TACC1: variants seen among roughly 807,000 people sequenced by gnomAD.
The protein encoded by TACC1 is transforming acidic coiled-coil containing protein 1.
In TACC1, 48 loss-of-function variants were observed where a neutral mutation model predicts 84.4. The ratio of observed to expected loss-of-function variants is 0.57; its 90% CI spans 0.45 to 0.72. The LOEUF (loss-of-function observed/expected upper bound fraction) is 0.72, where lower values mean the gene tolerates loss of function less well. Ranked by LOEUF, TACC1 falls within the 30% of genes least tolerant of loss-of-function variation. The pLI, the probability that TACC1 is intolerant of heterozygous loss-of-function variation, is 0.00. For missense variants in TACC1, 920 were observed against 973.0 expected, an observed-to-expected ratio of 0.95 and a Z score of 0.72; for synonymous variants, 372 against 376.3, an observed-to-expected ratio of 0.99 and a Z score of 0.13.
intron 5 of TACC1, among the ~76,000 whole-genome samples, chr8:38,829,516 A>G (rs1200844234): frequency 6.6e-6 from 1 of 152,116 alleles, no homozygotes; most frequent in African/African-American, 2.4e-5. Context: ...AGGTCTCTCC[A>G]GCATGCTTTT....
At position 38,819,570 on chromosome 8, in the gene TACC1, G is replaced by T. The variant is rs1399554248; in HGVS notation, c.326G>T (p.Cys109Phe). Residue 109 changes from cysteine to phenylalanine, a missense_variant, in exon 3 of 13, where the codon TGT becomes TTT. This residue lies in a region of TACC1 where 762 missense variants were observed against 747.3 expected (regional missense o/e 1.02). Coordinates refer to ENST00000317827, the MANE Select transcript of TACC1 (RefSeq NM_006283.3). ...EQLVAEVVEK[C>F]SSKTCSKPSE... ...CTTGTAGCAGAAGTGGTTGAAAAATGTTCATCTAAGACTTGTTCTAAACCT... is the reference window on the plus strand; with the variant it reads ...CTTGTAGCAGAAGTGGTTGAAAAATTTTCATCTAAGACTTGTTCTAAACCT... 6.2e-7 allele frequency: 1 copy of T among 1,613,542 alleles called. No homozygotes were observed. The highest frequency in any genetic ancestry group is 1.7e-5 in the Admixed American group (1 of 59,994).
intron 3 of TACC1, chr8:38,824,503 T>C (rs916088631): frequency 6.5e-6 from 1 of 152,688 alleles, no homozygotes; most frequent in Non-Finnish European, 1.5e-5. Flanking sequence ...CTAGTGATTA[T>C]GCACATTCCG....
rs938260053 is a variant in TACC1, at chr8:38,828,773, A to G, written c.1660+1398A>G. Among the ~76,000 whole-genome samples the G allele has an allele frequency of 9.2e-5, 14 of 152,236 alleles. No homozygotes were observed. In the East Asian group the frequency reaches 1.2e-3, roughly 13 times the overall value. On this transcript the variant is annotated intron_variant, in intron 5 of 12. Transcript: ENST00000317827. ...CTGTGTCCTCAAATGCGAAGGCACC[A>G]TATTTTGGTGAAGTGTGTTCTGAAC...
At chr8:38,821,667 C>T (rs1826848583) in intron 3 of TACC1, among the ~76,000 whole-genome samples, 3 of 152,190 alleles carry the variant, frequency 2.0e-5, no homozygotes, top group African/African-American at 7.2e-5. Context: ...AGTGTAATTA[C>T]CTAAGGTCCT....
rs141775001 is a variant in TACC1, at chr8:38,819,303, A to G, written c.278-219A>G. On this transcript the variant is annotated intron_variant, in intron 2 of 12. Transcript: ENST00000317827. ...TGTACTTACTATTCGTATCACTTGG[A>G]TAATGCACATACACAACTTGGGATA... Among the ~76,000 whole-genome samples, 18 of 152,312 alleles carry G rather than the reference A, an allele frequency of 1.2e-4. No homozygotes were observed. In the East Asian group the frequency reaches 3.3e-3, roughly 28 times the overall value.
intron 10 of TACC1, among the ~76,000 whole-genome samples, chr8:38,842,868 T>C (rs1358437248): frequency 6.6e-6 from 1 of 152,284 alleles, no homozygotes; most frequent in Non-Finnish European, 1.5e-5. Context: ...GACATTAGTA[T>C]AATGTTTCAA....
upstream of TACC1, chr8:38,785,596 G>T (rs1338456470): frequency 8.7e-6 from 6 of 686,264 alleles, no homozygotes; most frequent in East Asian, 8.1e-4. Context: ...GGAATGAAAA[G>T]ATAAGAGAAC....
chr8:38,811,066 C>T (rs573741818), intron 2 of TACC1, among the ~76,000 whole-genome samples: 13 of 151,466 alleles, frequency 8.6e-5, no homozygotes, highest in East Asian at 2.0e-4. Context: ...TGGAGTGAGC[C>T]GGGATCACGC....
At chr8:38,831,392 G>A (rs778322240) in intron 6 of TACC1, among the ~76,000 whole-genome samples, 2 of 152,176 alleles carry the variant, frequency 1.3e-5, no homozygotes, top group African/African-American at 2.4e-5. Context: ...CTCAGAAAAA[G>A]AAGAAGCATA....
intron 3 of TACC1, among the ~76,000 whole-genome samples, chr8:38,823,686 G>A (rs181800549): frequency 1.2e-4 from 19 of 152,078 alleles, no homozygotes; most frequent in Admixed American, 7.9e-4. Flanking sequence ...AAATCTTGTC[G>A]TCTTGTTCTT....
At chr8:38,752,183 C>T (rs1157108707) in intron 3 of TACC1, among the ~76,000 whole-genome samples, 1 of 152,012 alleles carries the variant, frequency 6.6e-6, no homozygotes, top group African/African-American at 2.4e-5. Context: ...TAAAGAATAC[C>T]TTCTTGGCCA....
intron 2 of TACC1, among the ~76,000 whole-genome samples, chr8:38,800,137 G>T (rs34490523): frequency 6.6e-6 from 1 of 152,058 alleles, no homozygotes; most frequent in Non-Finnish European, 1.5e-5. Flanking sequence ...CTCCAGCCTG[G>T]ACAACAGAGC....
rs760810269 is a variant in TACC1, at chr8:38,827,180, G to A, written c.1465G>A (p.Val489Met). Residue 489 changes from valine (V) to methionine (M), a missense_variant, in exon 5 of 13, where the codon GTG becomes ATG. Around this residue, in one of 2 missense-constraint regions of TACC1, gnomAD observed 762 missense variants for 747.3 expected, o/e 1.02. Transcript: ENST00000317827. Reference protein sequence around the residue: ...LDACSRDEGAVISQISDISNR... With the variant: ...LDACSRDEGAMISQISDISNR... ...TTGTGTTTCTCAGGATGAAGGGGCA[G>A]TGATCTCCCAGATTTCAGACATTTC... The A allele has an allele frequency of 6.2e-7, 1 of 1,613,606 alleles. No homozygotes were observed. Among genetic ancestry groups the A allele is most frequent in the Non-Finnish European group, 8.5e-7 (1 of 1,179,932 alleles).
chr8:38,755,552 AAATT>A (rs1308456133), intron 3 of TACC1, among the ~76,000 whole-genome samples: 3 of 151,530 alleles, frequency 2.0e-5, no homozygotes, highest in African/African-American at 7.3e-5. Context: ...AAAAAAAAGA[AAATT>A]AGCTGGGTGT....
chr8:38,752,936 A>G (rs1809314145), intron 3 of TACC1, among the ~76,000 whole-genome samples: 1 of 152,120 alleles, frequency 6.6e-6, no homozygotes. Flanking sequence ...AGACAACAGC[A>G]GGGTTGCCCA....
At chr8:38,772,810 CAAT>C (rs1460087078) in intron 3 of TACC1, among the ~76,000 whole-genome samples, 1 of 151,776 alleles carries the variant, frequency 6.6e-6, no homozygotes, top group East Asian at 1.9e-4. Flanking sequence ...TTAATATAAA[CAAT>C]AAATTGATAC....
Position 38,827,065 on chromosome 8 carries a change from T to TA in TACC1, c.1453-102dup, listed in dbSNP as rs1325348546. 5 of 973,334 alleles carry TA rather than the reference T, an allele frequency of 5.1e-6. No homozygotes were observed. In the Admixed American group the frequency reaches 1.2e-4, roughly 23 times the overall value. The allele number at this position is 973,334 out of a possible 1,614,324, so 60.3% of individuals were successfully genotyped here. A position where few individuals can be genotyped will look rare whatever the true frequency, so the allele number is the denominator to read the frequency against. On this transcript the variant is annotated intron_variant, in intron 4 of 12. Transcript: ENST00000317827. ...CCAGGTCTGTGGTTAACCTCTCACA[T>TA]ATCTGTATGGAGTTGTGTCTACTTT...
At chr8:38,758,780 A>G (rs1810648932) in intron 3 of TACC1, among the ~76,000 whole-genome samples, 1 of 151,120 alleles carries the variant, frequency 6.6e-6, no homozygotes, top group African/African-American at 2.4e-5. Flanking sequence ...CCCAAGAGCC[A>G]TTGAATTACT....
intron 1 of TACC1, among the ~76,000 whole-genome samples, chr8:38,735,181 A>G (rs1434570423): frequency 2.0e-5 from 3 of 152,232 alleles, no homozygotes; most frequent in Admixed American, 6.5e-5. Context: ...CAGAGCTGAA[A>G]GGGATCTTAC....
Sources: allele counts gnomAD v4.1 joint callset (sites outside exome capture counted in the v4.1 genomes callset), GRCh38; gene constraint gnomAD v4.1.1; regional missense constraint gnomAD v4.1.1; transcripts MANE v1.5; gene names NCBI Gene and HGNC (gene_info 2026-07-23, HGNC 2026-07-21).